DPP6: variants seen among roughly 807,000 people sequenced by gnomAD.
The protein encoded by DPP6 is dipeptidyl peptidase like 6.
A neutral mutation model predicts 122.6 loss-of-function variants in DPP6; 69 were observed. The observed-to-expected ratio is 0.56, with a 90% CI of 0.46 to 0.69. DPP6 has a LOEUF of 0.69. DPP6 is among the 30% of genes least tolerant of loss of function. The pLI, the probability that DPP6 is intolerant of heterozygous loss-of-function variation, is 0.00. For missense variants in DPP6, 928 were observed against 1,116.9 expected, an observed-to-expected ratio of 0.83 and a Z score of 2.41; for synonymous variants, 418 against 433.1, an observed-to-expected ratio of 0.97 and a Z score of 0.43.
At chr7:154,130,327 C>T (rs73165206) in intron 1 of DPP6, among the ~76,000 whole-genome samples, 67,974 of 151,772 alleles carry the variant, frequency 0.45, 15,759 homozygotes, top group Non-Finnish European at 0.52. Context: ...AAAACAGACC[C>T]GGCATCTAGT....
intron 1 of DPP6, among the ~76,000 whole-genome samples, chr7:154,424,346 A>C (rs960134676): frequency 1.3e-5 from 2 of 152,220 alleles, no homozygotes; most frequent in African/African-American, 4.8e-5. Flanking sequence ...CCAAAGTCTG[A>C]AATGGGCTTC....
chr7:154,761,226 C>T (rs1795531672), intron 8 of DPP6, among the ~76,000 whole-genome samples: 2 of 152,238 alleles, frequency 1.3e-5, no homozygotes, highest in Non-Finnish European at 1.5e-5. Context: ...GCTCTTTCCT[C>T]CTCTGCTCTG....
intron 1 of DPP6, among the ~76,000 whole-genome samples, chr7:154,377,357 C>T (rs921814303): frequency 4.6e-5 from 7 of 152,108 alleles, no homozygotes; most frequent in African/African-American, 7.2e-5. Flanking sequence ...CCACACAGAG[C>T]GGTAGGAAAT....
At chr7:154,674,139 G>C (rs972860017) in intron 7 of DPP6, among the ~76,000 whole-genome samples, 2 of 152,104 alleles carry the variant, frequency 1.3e-5, no homozygotes, top group Admixed American at 6.5e-5. Context: ...GCCTCCCAAA[G>C]TGCTGGGATT....
intron 1 of DPP6, among the ~76,000 whole-genome samples, chr7:153,892,142 ACTTTC>A (rs1213473692): frequency 6.6e-6 from 1 of 152,170 alleles, no homozygotes; most frequent in African/African-American, 2.4e-5. Context: ...CTGAATGTGA[ACTTTC>A]CACAGTAAGA....
chr7:154,204,830 T>TAAA (rs1175295033), intron 1 of DPP6, among the ~76,000 whole-genome samples: 1 of 152,152 alleles, frequency 6.6e-6, no homozygotes, highest in Non-Finnish European at 1.5e-5. Context: ...TACCTGCATG[T>TAAA]GTTTATACCG....
intron 10 of DPP6, among the ~76,000 whole-genome samples, chr7:154,787,076 G>A (rs1797382556): frequency 6.6e-6 from 1 of 152,086 alleles, no homozygotes; most frequent in Admixed American, 6.6e-5. Flanking sequence ...TATTATCATT[G>A]CAATTAGGTT....
chr7:154,720,927 C>T (rs1051187144), intron 7 of DPP6, among the ~76,000 whole-genome samples: 2 of 152,188 alleles, frequency 1.3e-5, no homozygotes, highest in Admixed American at 6.5e-5. Context: ...CAATAAGCCT[C>T]GAGAAGAGGG....
At chr7:153,831,617 A>G in the DPP6 span, among the ~76,000 whole-genome samples, 1 of 152,236 alleles carries the variant, frequency 6.6e-6, no homozygotes, top group Non-Finnish European at 1.5e-5. Flanking sequence ...GTAAGCTATT[A>G]TGCCAATAAA....
chr7:154,365,194 A>G (rs1432840439), intron 1 of DPP6, among the ~76,000 whole-genome samples: 1 of 152,226 alleles, frequency 6.6e-6, no homozygotes, highest in South Asian at 2.1e-4. Context: ...GTTGAGCCAC[A>G]TGGAATTAAA....
intron 20 of DPP6, among the ~76,000 whole-genome samples, chr7:154,880,183 A>G (rs2150669045): frequency 6.6e-6 from 1 of 152,330 alleles, no homozygotes; most frequent in South Asian, 2.1e-4. Flanking sequence ...TGAGGTCCAG[A>G]AACCGGAAGG....
At chr7:154,610,087 G>A (rs1252173741) in intron 5 of DPP6, among the ~76,000 whole-genome samples, 3 of 152,186 alleles carry the variant, frequency 2.0e-5, no homozygotes, top group Admixed American at 2.0e-4. Flanking sequence ...TATGTTCTAT[G>A]AAACAAAATA....
At chr7:154,695,659 A>G (rs911429307) in intron 7 of DPP6, among the ~76,000 whole-genome samples, 2 of 152,134 alleles carry the variant, frequency 1.3e-5, no homozygotes, top group Admixed American at 1.3e-4. Flanking sequence ...TCTGCAGAGC[A>G]GGCAAGGTCA....
intron 10 of DPP6, among the ~76,000 whole-genome samples, chr7:154,784,557 T>C: frequency 6.6e-6 from 1 of 152,212 alleles, no homozygotes; most frequent in East Asian, 1.9e-4. Context: ...AGATTCTAGT[T>C]ACAGGGCAGT....
chr7:154,313,751 A>ACACACACACACC lies in DPP6; in HGVS notation c.244-132462_244-132461insACACACACACCC, dbSNP rs147976247. Among the ~76,000 whole-genome samples, 67 of 45,248 alleles carry ACACACACACACC rather than the reference A, an allele frequency of 1.5e-3. 2 individuals carry two copies. Among genetic ancestry groups the ACACACACACACC allele is most frequent in the Admixed American group, 2.6e-3 (11 of 4,222 alleles). 29.7% of individuals were successfully genotyped at this position (45,248 alleles called of 152,430 possible). A position where few individuals can be genotyped will look rare whatever the true frequency, so the allele number is the denominator to read the frequency against. On this transcript the variant is annotated intron_variant, in intron 1 of 25. Coordinates refer to ENST00000377770, the MANE Select transcript of DPP6 (RefSeq NM_130797.4). ...CACGCACACACACACACACACACAC[A>ACACACACACACC]CCCTTACATATATATGTAGTACTTC... is the stretch of plus-strand genomic sequence containing the variant.
chr7:154,724,623 G>T (rs530838568), intron 7 of DPP6, among the ~76,000 whole-genome samples: 1 of 152,106 alleles, frequency 6.6e-6, no homozygotes, highest in Non-Finnish European at 1.5e-5. Context: ...ACACCTTAAT[G>T]TGGCTTCCAG....
intron 1 of DPP6, among the ~76,000 whole-genome samples, chr7:154,423,435 G>A (rs150212106): frequency 6.6e-4 from 101 of 152,258 alleles, no homozygotes; most frequent in Non-Finnish European, 1.2e-3. Flanking sequence ...CTTTTGGCAG[G>A]TGTGACTTTT....
At position 154,863,441 on chromosome 7, in the gene DPP6, G is replaced by A. The variant is rs1045908301; in HGVS notation, c.1715-4554G>A. ...CAAGCTATCCTCCCACTGCAGCCTC[G>A]ACCTCCAGAGCTCAAGCTGTCCTCC... is the stretch of plus-strand genomic sequence containing the variant. On this transcript the variant is annotated intron_variant, in intron 17 of 25. Coordinates refer to ENST00000377770, the MANE Select transcript of DPP6 (RefSeq NM_130797.4). The surrounding 1 kb of genome is among the most constrained non-coding windows in gnomAD (Gnocchi z 4.1). Among the ~76,000 whole-genome samples, 3 of 149,530 alleles carry A rather than the reference G, an allele frequency of 2.0e-5. No homozygotes were observed. The highest frequency in any genetic ancestry group is 3.0e-5 in the Non-Finnish European group (2 of 67,626).
chr7:154,406,410 G>C (rs527506318), intron 1 of DPP6, among the ~76,000 whole-genome samples: 1 of 139,554 alleles, frequency 7.2e-6, no homozygotes, highest in African/African-American at 2.6e-5. Flanking sequence ...AGGAGTAGCC[G>C]GGGGATGCAC....
Sources: gnomAD v4.1 joint callset for allele counts (sites outside exome capture counted in the v4.1 genomes callset) on GRCh38, gnomAD v4.1.1 for gene constraint, Gnocchi (gnomAD v3.1) non-coding constraint, MANE v1.5 for transcripts, NCBI Gene and HGNC (gene_info 2026-07-23, HGNC 2026-07-21) for gene names.